The following DOCK4 variants were observed in gnomAD, a reference collection of about 807,000 sequenced individuals.
DOCK4 encodes the protein dedicator of cytokinesis 4.
A neutral mutation model predicts 268.1 loss-of-function variants in DOCK4; 97 were observed. The observed-to-expected ratio is 0.36, with a 90% CI of 0.31 to 0.43. DOCK4 has a LOEUF of 0.43. DOCK4 is among the 20% of genes least tolerant of loss of function. The pLI is 1.00. For missense variants in DOCK4, 2,145 were observed against 2,455.7 expected, an observed-to-expected ratio of 0.87 and a Z score of 2.67; for synonymous variants, 954 against 887.2, an observed-to-expected ratio of 1.08 and a Z score of -1.34.
chr7:111,767,769 T>C (rs1409438673), intron 37 of DOCK4, among the ~76,000 whole-genome samples: 3 of 152,160 alleles, frequency 2.0e-5, no homozygotes, highest in Non-Finnish European at 2.9e-5. Context: ...GAATTACCAC[T>C]GACCCCTAAG....
intron 1 of DOCK4, among the ~76,000 whole-genome samples, chr7:112,113,734 A>ATTTTTTTT (rs57672966): frequency 2.6e-4 from 13 of 49,550 alleles, no homozygotes; most frequent in Non-Finnish European, 3.7e-4. Flanking sequence ...TACTTGGCTG[A>ATTTTTTTT]TTTTTTTTTT....
intron 1 of DOCK4, among the ~76,000 whole-genome samples, chr7:112,127,249 T>C (rs1469037628): frequency 6.6e-6 from 1 of 152,016 alleles, no homozygotes; most frequent in African/African-American, 2.4e-5. Context: ...GATGAGTTCA[T>C]GTCCTTTGTA....
At chr7:111,961,557 T>C (rs1283507353) in intron 8 of DOCK4, among the ~76,000 whole-genome samples, 1 of 152,246 alleles carries the variant, frequency 6.6e-6, no homozygotes, top group African/African-American at 2.4e-5. Context: ...TGATTTTGCC[T>C]GTAAGGCAAA....
intron 1 of DOCK4, among the ~76,000 whole-genome samples, chr7:112,098,692 A>G (rs1810384121): frequency 2.0e-5 from 3 of 149,702 alleles, no homozygotes; most frequent in Non-Finnish European, 4.4e-5. Context: ...GATTATGTAA[A>G]ATTATGTGTA....
chr7:112,111,150 C>A (rs1811614845), intron 1 of DOCK4, among the ~76,000 whole-genome samples: 1 of 152,220 alleles, frequency 6.6e-6, no homozygotes, highest in Non-Finnish European at 1.5e-5. Context: ...GCCTCTGGTC[C>A]TGGCACAAGC....
rs928512935 is a variant in DOCK4 at position 111,726,761 on chromosome 7, GTTTAT to G, written c.*1508_*1512del. On this transcript the variant is annotated 3_prime_UTR_variant, in exon 53 of 53. Transcript: ENST00000428084. ...TCATACTGCATCAACAACTGTTTGCGTTTATTTTTACTTTTTTTTACACATAATGG... is the reference window on the plus strand; with the variant it reads ...TCATACTGCATCAACAACTGTTTGCGTTTTACTTTTTTTTACACATAATGG... The G allele has an allele frequency of 6.6e-6, 1 of 152,406 alleles. No homozygotes were observed. The highest frequency in any genetic ancestry group is 1.5e-5 in the Non-Finnish European group (1 of 67,978). 9.4% of individuals were successfully genotyped at this position (152,406 alleles called of 1,614,324 possible). A position where few individuals can be genotyped will look rare whatever the true frequency, so the allele number is the denominator to read the frequency against.
intron 24 of DOCK4, 68 bp downstream of exon 24, chr7:111,846,931 G>A: frequency 6.6e-7 from 1 of 1,511,384 alleles, no homozygotes; most frequent in Non-Finnish European, 8.9e-7. Context: ...TTTCTTTGTA[G>A]ACTATTACAA....
chr7:111,829,533 T>C (rs1802654326), intron 26 of DOCK4, among the ~76,000 whole-genome samples: 1 of 152,198 alleles, frequency 6.6e-6, no homozygotes, highest in Non-Finnish European at 1.5e-5. Context: ...TTATACATAT[T>C]ATATTTATTT....
chr7:111,993,509 C>G (rs1486966443), intron 5 of DOCK4, among the ~76,000 whole-genome samples: 2 of 152,108 alleles, frequency 1.3e-5, no homozygotes, highest in East Asian at 3.9e-4. Context: ...CCTTATTTTT[C>G]TCATCTGTAA....
rs1433550766 is a variant in DOCK4, at chr7:111,790,550, G to C, written c.3222C>G (p.Thr1074=). The change falls in exon 31 of 53, where the codon ACC becomes ACG. Residue 1074 remains threonine (T), a synonymous_variant. Coordinates refer to ENST00000428084, the MANE Select transcript of DOCK4 (RefSeq NM_001363540.2). The part of the protein sequence containing the change: ...PALIGPFLEV[T]LIPQPDLRNV... Reference sequence around the variant, plus strand: ...TCCGAAGATCTGGCTGGGGTATCAAGGTCACTTCTAGGAAGGGGCCAATCA... The same window carrying C: ...TCCGAAGATCTGGCTGGGGTATCAACGTCACTTCTAGGAAGGGGCCAATCA... The C allele has an allele frequency of 6.2e-7, 1 of 1,613,714 alleles. No homozygotes were observed. The highest frequency in any genetic ancestry group is 8.5e-7 in the Non-Finnish European group (1 of 1,179,840).
intron 52 of DOCK4, among the ~76,000 whole-genome samples, chr7:111,730,556 A>G (rs1335972835): frequency 6.6e-6 from 1 of 152,168 alleles, no homozygotes; most frequent in African/African-American, 2.4e-5. Flanking sequence ...GTCAAAAGTT[A>G]GACCTGAAAT....
intron 13 of DOCK4, among the ~76,000 whole-genome samples, chr7:111,913,525 T>C (rs1314157850): frequency 2.0e-5 from 3 of 150,586 alleles, no homozygotes; most frequent in Non-Finnish European, 4.4e-5. Flanking sequence ...TTCTCCTGCC[T>C]CAGCCTCCCG....
chr7:111,871,791 T>A (rs1806449263), intron 20 of DOCK4, among the ~76,000 whole-genome samples, 199 bp downstream of exon 20: 1 of 152,150 alleles, frequency 6.6e-6, no homozygotes, highest in Non-Finnish European at 1.5e-5. Context: ...TTCAGGAGGT[T>A]TTTTTCCCTT....
At chr7:112,104,381 A>G (rs2135827798) in intron 1 of DOCK4, among the ~76,000 whole-genome samples, 1 of 152,296 alleles carries the variant, frequency 6.6e-6, no homozygotes, top group African/African-American at 2.4e-5. Flanking sequence ...TGCTCTCTCC[A>G]TTAGCAAACT....
chr7:112,131,317 C>T (rs1813775234), intron 1 of DOCK4, among the ~76,000 whole-genome samples: 1 of 152,120 alleles, frequency 6.6e-6, no homozygotes, highest in Non-Finnish European at 1.5e-5. Context: ...CCCTGTGTAC[C>T]TGGGAAGGGC....
intron 51 of DOCK4, among the ~76,000 whole-genome samples, chr7:111,733,780 A>T (rs1319320025): frequency 6.6e-6 from 1 of 152,252 alleles, no homozygotes; most frequent in Non-Finnish European, 1.5e-5. Context: ...AGTTTGGCCG[A>T]TAAGTTTTAG....
intron 36 of DOCK4, among the ~76,000 whole-genome samples, chr7:111,771,624 C>A (rs1488367530): frequency 6.6e-6 from 1 of 152,164 alleles, no homozygotes; most frequent in Non-Finnish European, 1.5e-5. Context: ...TAACAGGCAT[C>A]TAGTTTTCTC....
intron 47 of DOCK4, chr7:111,740,320 G>A (rs546117076): frequency 9.1e-6 from 2 of 220,762 alleles, no homozygotes; most frequent in African/African-American, 4.8e-5. Context: ...GGATGGTCTC[G>A]AACTCCAGAT....
chr7:111,915,061 C>G (rs1792470440), intron 13 of DOCK4, among the ~76,000 whole-genome samples: 2 of 152,168 alleles, frequency 1.3e-5, no homozygotes. Flanking sequence ...TTATCCAATT[C>G]ATAAGTTGTA....
Sources: allele counts gnomAD v4.1 joint callset (sites outside exome capture counted in the v4.1 genomes callset), GRCh38; gene constraint gnomAD v4.1.1; transcripts MANE v1.5; gene names NCBI Gene and HGNC (gene_info 2026-07-23, HGNC 2026-07-21).